The following PIKFYVE variants were observed in gnomAD, a reference collection of about 807,000 sequenced individuals.
The protein encoded by PIKFYVE is 1-phosphatidylinositol 3-phosphate 5-kinase.
PIKFYVE carries 122 observed loss-of-function variants against 257.9 expected under a neutral mutation model. That is an observed-to-expected ratio of 0.47 (90% confidence interval 0.41 to 0.55). The LOEUF is 0.55. PIKFYVE is among the 20% of genes least tolerant of loss of function. PIKFYVE has a pLI of 0.00. For missense variants in PIKFYVE, 2,160 were observed against 2,536.6 expected, an observed-to-expected ratio of 0.85 and a Z score of 3.19; for synonymous variants, 892 against 868.9, an observed-to-expected ratio of 1.03 and a Z score of -0.47.
intron 5 of PIKFYVE, among the ~76,000 whole-genome samples, chr2:208,278,212 A>G (rs1261236031): frequency 6.6e-6 from 1 of 152,174 alleles, no homozygotes; most frequent in Non-Finnish European, 1.5e-5. Context: ...AGTAGAAGAT[A>G]GTCAGAAATT....
intron 31 of PIKFYVE, among the ~76,000 whole-genome samples, chr2:208,342,073 A>G (rs1410315523): frequency 2.0e-5 from 3 of 152,204 alleles, no homozygotes; most frequent in Non-Finnish European, 1.5e-5. Context: ...TAAATTAAAA[A>G]TGACTGTGCC....
rs752578155 is a variant in PIKFYVE, at chr2:208,326,266, T to C, written c.3455T>C (p.Leu1152Pro). 1 of 1,593,326 alleles carries C rather than the reference T, an allele frequency of 6.3e-7. No homozygotes were observed. The highest frequency in any genetic ancestry group is 1.3e-5 in the African/African-American group (1 of 74,352). ...LGDSQSLGRM[L>P]ADYRARGGRI... ...GATAGCCAGAGCTTGGGTAGAATGC[T>C]GGCCGATTATCGAGCCAGAGGAGGA... Residue 1152 changes from leucine (L) to proline (P), a missense_variant, in exon 20 of 42, where the codon CTG becomes CCG. Coordinates refer to ENST00000264380, the MANE Select transcript of PIKFYVE (RefSeq NM_015040.4).
intron 32 of PIKFYVE, among the ~76,000 whole-genome samples, chr2:208,343,070 C>T (rs1252215665): frequency 6.6e-6 from 1 of 152,170 alleles, no homozygotes; most frequent in Non-Finnish European, 1.5e-5. Context: ...GCTGGAATTA[C>T]AGGCGTGAGC....
In PIKFYVE at chr2:208,325,848, A is replaced by G; in HGVS notation, c.3037A>G (p.Arg1013Gly). 1.9e-6 allele frequency: 3 copies of G among 1,614,102 alleles called. No individual in the cohort carries two copies. The highest frequency in any genetic ancestry group is 2.2e-5 in the South Asian group (2 of 91,066). Residue 1013 changes from arginine to glycine, a missense_variant, in exon 20 of 42, where the codon AGA becomes GGA. Arg to Gly is a moderately radical substitution (Grantham distance 125, BLOSUM62 -2). Transcript: ENST00000264380. ...VVLQDPKSQIRAFRDPLQDDT... is the reference protein window; with the variant it reads ...VVLQDPKSQIGAFRDPLQDDT... The stretch of plus-strand genomic sequence containing the variant: ...GCTGCAGGATCCCAAAAGCCAGATA[A>G]GAGCCTTTAGAGACCCTCTACAGGA...
At chr2:208,330,461 T>G in intron 22 of PIKFYVE, 62 bp from the exon 23 acceptor site, 1 of 1,596,266 alleles carries the variant, frequency 6.3e-7, no homozygotes, top group Non-Finnish European at 8.6e-7. Context: ...TGCTGCACTT[T>G]GACAGTGGTT....
At position 208,350,081 on chromosome 2, in the gene PIKFYVE, T is replaced by G. The variant is rs771863905; in HGVS notation, c.5432T>G (p.Leu1811Arg). ...KKQLINPHVE[L>R]QFSDANAKFY... is the part of the protein sequence containing the mutation. ...CAACTCATAAATCCTCATGTGGAAC[T>G]TCGTAAGTATGAGATATTATATCAT... The change falls in exon 36 of 42, where the codon CTT becomes CGT. Residue 1811 changes from leucine to arginine, a missense_variant and splice_region_variant. By Grantham distance (102) the Leu-to-Arg change is moderately radical. Around this residue, in one of 12 missense-constraint regions of PIKFYVE, gnomAD observed 699 missense variants for 855.8 expected, o/e 0.82. Transcript: ENST00000264380. The G allele has an allele frequency of 2.5e-6, 4 of 1,612,456 alleles. No homozygotes were observed. In the African/African-American group the frequency reaches 5.3e-5, roughly 22 times the overall value.
At chr2:208,321,631 G>A (rs562599249) in intron 17 of PIKFYVE, among the ~76,000 whole-genome samples, 4 of 143,648 alleles carry the variant, frequency 2.8e-5, no homozygotes, top group South Asian at 2.1e-4. Context: ...AGGCTGGAGC[G>A]CAATGGTGCA....
intron 17 of PIKFYVE, among the ~76,000 whole-genome samples, chr2:208,322,667 A>G (rs1349375318): frequency 2.6e-5 from 4 of 151,122 alleles, no homozygotes; most frequent in African/African-American, 9.7e-5. Flanking sequence ...TCTAAGATTG[A>G]TAATAGTCAA....
At chr2:208,270,930 G>A (rs562799334) in intron 1 of PIKFYVE, among the ~76,000 whole-genome samples, 156 of 151,970 alleles carry the variant, frequency 1.0e-3, no homozygotes, top group African/African-American at 3.5e-3. Flanking sequence ...CAGCTACTCA[G>A]GAGGCTGAGG....
In PIKFYVE at chr2:208,325,656, G is replaced by A. The variant is rs1377290504; in HGVS notation, c.2845G>A (p.Ala949Thr). 6.2e-7 allele frequency: 1 copy of A among 1,613,980 alleles called. No individual in the cohort carries two copies. The highest frequency in any genetic ancestry group is 2.2e-5 in the East Asian group (1 of 44,872). Residue 949 changes from alanine to threonine, a missense_variant, in exon 20 of 42, where the codon GCT becomes ACT. Ala to Thr is a moderately conservative substitution (Grantham distance 58). Around this residue, in one of 12 missense-constraint regions of PIKFYVE, gnomAD observed 522 missense variants for 514.6 expected, o/e 1.01. Transcript: ENST00000264380. Reference sequence around the variant, plus strand: ...GCAGGAAAATAAAAATCTTCCGCAGGCTGTTGCCTCTGTGAAGCATCAAGA... The same window carrying A: ...GCAGGAAAATAAAAATCTTCCGCAGACTGTTGCCTCTGTGAAGCATCAAGA... ...GEQENKNLPQ[A>T]VASVKHQEHS...
chr2:208,326,891 A>G (rs1696988980), intron 20 of PIKFYVE, among the ~76,000 whole-genome samples: 1 of 152,224 alleles, frequency 6.6e-6, no homozygotes, highest in African/African-American at 2.4e-5. Flanking sequence ...CTTGTTATTT[A>G]ACTATGACAG....
chr2:208,271,474 G>C, intron 1 of PIKFYVE, 37 bp from the exon 2 acceptor site: 4 of 1,602,950 alleles, frequency 2.5e-6, no homozygotes, highest in Non-Finnish European at 3.4e-6. Flanking sequence ...AGCTTCCTGA[G>C]GAATTTAGAT....
At chr2:208,328,411 T>C (rs1259119175) in intron 21 of PIKFYVE, 131 bp downstream of exon 21, 1 of 1,069,172 alleles carries the variant, frequency 9.4e-7, no homozygotes, top group East Asian at 2.6e-5. Flanking sequence ...CATATATGAA[T>C]TGATAGAACT....
At chr2:208,303,926 CA>C (rs1694025140) in intron 10 of PIKFYVE, among the ~76,000 whole-genome samples, 4 of 151,994 alleles carry the variant, frequency 2.6e-5, no homozygotes, top group Admixed American at 2.6e-4. Context: ...AAATCTGTAT[CA>C]AAAAAATGTT....
At chr2:208,284,438 T>C (rs1691273132) in intron 5 of PIKFYVE, among the ~76,000 whole-genome samples, 2 of 152,156 alleles carry the variant, frequency 1.3e-5, no homozygotes, top group Admixed American at 1.3e-4. Context: ...TTTTTGTATT[T>C]TTAGTAGAGA....
Position 208,355,270 on chromosome 2 carries a change from C to T in PIKFYVE, c.6262C>T (p.Pro2088Ser). Reference protein sequence around the residue: ...EAMDKYFLMVPDHWTGLGLNC With the variant: ...EAMDKYFLMVSDHWTGLGLNC ...AATGGACAAGTATTTCCTAATGGTA[C>T]CAGACCACTGGACAGGCTTGGGTCT... Residue 2088 changes from proline to serine, a missense_variant, in exon 42 of 42, where the codon CCA (proline) becomes TCA (serine). This residue lies in a region of PIKFYVE where 38 missense variants were observed against 77.7 expected (regional missense o/e 0.49). Coordinates refer to ENST00000264380, the MANE Select transcript of PIKFYVE (RefSeq NM_015040.4). The T allele has an allele frequency of 6.2e-7, 1 of 1,613,876 alleles. No homozygotes were observed. Among genetic ancestry groups the T allele is most frequent in the Non-Finnish European group, 8.5e-7 (1 of 1,179,830 alleles).
chr2:208,325,786 G>T lies in PIKFYVE; in HGVS notation c.2975G>T (p.Gly992Val). ...GTGGATGACCAACAAGATGCTTTAG[G>T]CAGCGAGCAGCCAGAGACTTTGCAG... The part of the protein sequence containing the change: ...LPVDDQQDAL[G>V]SEQPETLQQT... Residue 992 changes from glycine to valine, a missense_variant, in exon 20 of 42, where the codon GGC becomes GTC. By Grantham distance (109) the Gly-to-Val change is moderately radical. Around this residue, in one of 12 missense-constraint regions of PIKFYVE, gnomAD observed 522 missense variants for 514.6 expected, o/e 1.01. Transcript: ENST00000264380. 6.2e-7 allele frequency: 1 copy of T among 1,614,036 alleles called. No individual in the cohort carries two copies.
chr2:208,299,051 G>T (rs554917141), intron 8 of PIKFYVE, among the ~76,000 whole-genome samples: 1 of 152,060 alleles, frequency 6.6e-6, no homozygotes, highest in East Asian at 1.9e-4. Flanking sequence ...TGTTGGCTAG[G>T]CTGGTCTCAA....
chr2:208,290,411 A>G (rs947302626), intron 7 of PIKFYVE, among the ~76,000 whole-genome samples: 1 of 152,212 alleles, frequency 6.6e-6, no homozygotes, highest in East Asian at 1.9e-4. Flanking sequence ...TTCACCTACT[A>G]ATACGCATTT....
Sources: allele counts gnomAD v4.1 joint callset (sites outside exome capture counted in the v4.1 genomes callset), GRCh38; gene constraint gnomAD v4.1.1; regional missense constraint gnomAD v4.1.1; transcripts MANE v1.5; gene names NCBI Gene and HGNC (gene_info 2026-07-23, HGNC 2026-07-21).